The following KLHL24 variants were observed in gnomAD, a reference collection of about 807,000 sequenced individuals.
KLHL24 encodes the protein kelch-like protein 24.
In KLHL24, 29 loss-of-function variants were observed where a neutral mutation model predicts 53.4. The ratio of observed to expected loss-of-function variants is 0.54; its 90% CI spans 0.40 to 0.74. The LOEUF is 0.74. KLHL24 is among the 30% of genes least tolerant of loss of function. The pLI is 0.00. For missense variants in KLHL24, 504 were observed against 744.0 expected, an observed-to-expected ratio of 0.68 and a Z score of 3.75; for synonymous variants, 222 against 253.7, an observed-to-expected ratio of 0.88 and a Z score of 1.19.
intron 2 of KLHL24, among the ~76,000 whole-genome samples, chr3:183,649,748 T>C (rs1434978842): frequency 1.4e-5 from 2 of 142,886 alleles, no homozygotes; most frequent in South Asian, 2.2e-4. Context: ...AAAAAAAAAA[T>C]AGCCAGGCAT....
chr3:183,672,375 T>C lies in KLHL24; in HGVS notation c.1493T>C (p.Val498Ala), dbSNP rs1349301813. 2 of 1,613,492 alleles carry C rather than the reference T, an allele frequency of 1.2e-6. No individual in the cohort carries two copies. The highest frequency in any genetic ancestry group is 1.7e-5 in the Admixed American group (1 of 59,958). The change falls in exon 7 of 8, where the codon GTA (valine) becomes GCA (alanine). Residue 498 changes from valine to alanine, a missense_variant. Val to Ala is a moderately conservative substitution (Grantham distance 64). Coordinates refer to ENST00000242810, the MANE Select transcript of KLHL24 (RefSeq NM_017644.3). ...ATTGCCAAAAGGTGTATAACAGCTG[T>C]ATCCCTAAACAACCTGATCTATGTT... ...IPIAKRCITA[V>A]SLNNLIYVAG...
chr3:183,682,514 C>T lies in KLHL24; in HGVS notation c.*3228C>T, dbSNP rs1048842822. On this transcript the variant is annotated 3_prime_UTR_variant, in exon 8 of 8. Transcript: ENST00000242810. ...AGGGTATTAACTTGTTACTTTTGCT[C>T]GTTTGGGGTGTAAAGTGCCATGACT... The T allele has an allele frequency of 3.9e-5, 6 of 152,464 alleles. No homozygotes were observed. Among genetic ancestry groups the T allele is most frequent in the African/African-American group, 9.7e-5 (4 of 41,404 alleles). 9.4% of individuals were successfully genotyped at this position (152,464 alleles called of 1,614,324 possible). A position where few individuals can be genotyped will look rare whatever the true frequency, so the allele number is the denominator to read the frequency against.
At chr3:183,643,345 T>G (rs1716754434) in intron 1 of KLHL24, 135 bp from the exon 2 acceptor site, 3 of 152,250 alleles carry the variant, frequency 2.0e-5, no homozygotes. Context: ...CACTAATTAT[T>G]TTTAAACAAA....
rs764472335 is a variant in KLHL24, at chr3:183,684,498, AT to A, written c.*5214del. 1.3e-5 allele frequency: 2 copies of A among 152,628 alleles called. No individual in the cohort carries two copies. The highest frequency in any genetic ancestry group is 2.9e-5 in the Non-Finnish European group (2 of 68,046). 9.5% of individuals were successfully genotyped at this position (152,628 alleles called of 1,614,324 possible). On this transcript the variant is annotated 3_prime_UTR_variant, in exon 8 of 8. Transcript: ENST00000242810. ...CATTATTACTTGACTATATGGTTGT[AT>A]TAAATTTTGTTTACGAAAAATTTGT... is the stretch of plus-strand genomic sequence containing the variant.
At chr3:183,673,786 C>G (rs1318758404) in intron 7 of KLHL24, among the ~76,000 whole-genome samples, 2 of 152,146 alleles carry the variant, frequency 1.3e-5, no homozygotes, top group African/African-American at 4.8e-5. Flanking sequence ...CTACCCAGTC[C>G]TTAAATATGT....
rs1484603250 is a variant in KLHL24, at chr3:183,663,928, T to C, written c.1105+286T>C. Among the ~76,000 whole-genome samples the C allele has an allele frequency of 1.3e-5, 2 of 151,776 alleles. No homozygotes were observed. The highest frequency in any genetic ancestry group is 1.3e-4 in the Admixed American group (2 of 15,202). ...CAACATGGTGAAACCCCATCTCTAC[T>C]AAAAAATACAAAAATTAGCCAGGTG... On this transcript the variant is annotated intron_variant, in intron 4 of 7. Transcript: ENST00000242810. This position sits in a 1 kb window ranked among gnomAD's most constrained non-coding sequence, Gnocchi z 4.9.
In KLHL24 at chr3:183,651,011, G is replaced by T; in HGVS notation, c.655G>T (p.Asp219Tyr). ...KDELIDYICS[D>Y]ELVIGKEEMV... ...TGAACTTATTGATTATATTTGTAGT[G>T]ATGAACTTGTTATTGGTAAAGAGGA... The change falls in exon 3 of 8, where the codon GAT (aspartate) becomes TAT (tyrosine). Residue 219 changes from aspartate to tyrosine, a missense_variant. Coordinates refer to ENST00000242810, the MANE Select transcript of KLHL24 (RefSeq NM_017644.3). 2 of 1,614,214 alleles carry T rather than the reference G, an allele frequency of 1.2e-6. No individual in the cohort carries two copies. Among genetic ancestry groups the T allele is most frequent in the Non-Finnish European group, 1.7e-6 (2 of 1,180,032 alleles).
intron 3 of KLHL24, among the ~76,000 whole-genome samples, chr3:183,659,268 C>T (rs1243358188): frequency 6.6e-6 from 1 of 152,130 alleles, no homozygotes; most frequent in Admixed American, 6.5e-5. Flanking sequence ...CACAGTGGCT[C>T]ACACCTACCT....
At chr3:183,644,367 T>C (rs558440070) in intron 2 of KLHL24, among the ~76,000 whole-genome samples, 1 of 152,252 alleles carries the variant, frequency 6.6e-6, no homozygotes, top group South Asian at 2.1e-4. Context: ...ACATAGGAAG[T>C]GTTTACATTT....
intron 1 of KLHL24, among the ~76,000 whole-genome samples, chr3:183,637,890 C>A (rs914428920): frequency 1.3e-5 from 2 of 152,200 alleles, no homozygotes; most frequent in Non-Finnish European, 2.9e-5. Context: ...AACTCCTGAC[C>A]TCAGGTGATC....
chr3:183,667,795 C>CA (rs1302515708), intron 5 of KLHL24, among the ~76,000 whole-genome samples: 2 of 152,068 alleles, frequency 1.3e-5, no homozygotes, highest in Non-Finnish European at 2.9e-5. Flanking sequence ...TGGCTCACTG[C>CA]AGCCTGGACA....
chr3:183,641,898 A>G (rs757242196), intron 1 of KLHL24, among the ~76,000 whole-genome samples: 3 of 152,120 alleles, frequency 2.0e-5, no homozygotes, highest in Non-Finnish European at 4.4e-5. Flanking sequence ...TCCATCCCTT[A>G]CCCTTACCGA....
chr3:183,664,143 G>A (rs772687093), intron 4 of KLHL24: 4 of 152,030 alleles, frequency 2.6e-5, no homozygotes, highest in Non-Finnish European at 4.4e-5. Context: ...GGTACAAGAT[G>A]ACATGGAATG....
chr3:183,635,935 C>T (rs1420822801), intron 1 of KLHL24, 142 bp downstream of exon 1: 1 of 152,378 alleles, frequency 6.6e-6, no homozygotes, highest in Middle Eastern at 3.2e-3. Flanking sequence ...CTACAGGGCC[C>T]CTTTCTGAGG....
chr3:183,664,838 T>A, intron 4 of KLHL24, 83 bp from the exon 5 acceptor site: 1 of 634,922 alleles, frequency 1.6e-6, no homozygotes, highest in Non-Finnish European at 2.7e-6. Flanking sequence ...ATGTTTTCTT[T>A]ACCTATGCCT....
intron 7 of KLHL24, among the ~76,000 whole-genome samples, chr3:183,675,051 A>G (rs567108612): frequency 2.0e-5 from 3 of 152,154 alleles, no homozygotes; most frequent in Non-Finnish European, 2.9e-5. Flanking sequence ...ATGGGTATAA[A>G]TGTTTATTTC....
At position 183,681,435 on chromosome 3, in the gene KLHL24, G is replaced by C. The variant is rs1282218670; in HGVS notation, c.*2149G>C. ...TTCTAGTATTTTTCTGTTGTAAAAA[G>C]TATTAACTATTTACTTTTATTTTGT... On this transcript the variant is annotated 3_prime_UTR_variant, in exon 8 of 8. Transcript: ENST00000242810. 2.0e-5 allele frequency: 3 copies of C among 151,882 alleles called. No homozygotes were observed. The highest frequency in any genetic ancestry group is 4.4e-5 in the Non-Finnish European group (3 of 67,744). 9.4% of individuals were successfully genotyped at this position (151,882 alleles called of 1,614,324 possible). A position where few individuals can be genotyped will look rare whatever the true frequency, so the allele number is the denominator to read the frequency against.
chr3:183,650,781 C>T lies in KLHL24; in HGVS notation c.425C>T (p.Thr142Ile). Residue 142 changes from threonine to isoleucine, a missense_variant, in exon 3 of 8, where the codon ACA becomes ATA. Physicochemically the swap from Thr to Ile is moderately conservative, Grantham distance 89. Transcript: ENST00000242810. The surrounding 1 kb of genome is among the most constrained non-coding windows in gnomAD (Gnocchi z 4.5). ...GAGAATGTACAGTATCTCTTTGAGA[C>T]ATCAAGCCTCTTTCAGATTAGTGTT... ...TTENVQYLFE[T>I]SSLFQISVLR... 6.2e-7 allele frequency: 1 copy of T among 1,613,938 alleles called. No individual in the cohort carries two copies. The highest frequency in any genetic ancestry group is 8.5e-7 in the Non-Finnish European group (1 of 1,179,922).
At chr3:183,678,051 C>G (rs980412002) in intron 7 of KLHL24, among the ~76,000 whole-genome samples, 1 of 152,190 alleles carries the variant, frequency 6.6e-6, no homozygotes, top group Admixed American at 6.5e-5. Context: ...CCTCGGCCTC[C>G]CAAAGTGCTG....
Sources: gnomAD v4.1 joint callset for allele counts (sites outside exome capture counted in the v4.1 genomes callset) on GRCh38, gnomAD v4.1.1 for gene constraint, Gnocchi (gnomAD v3.1) non-coding constraint, MANE v1.5 for transcripts, NCBI Gene and HGNC (gene_info 2026-07-23, HGNC 2026-07-21) for gene names.